Variants in CDK14 observed in about 807,000 individuals in gnomAD.
The protein encoded by CDK14 is cyclin-dependent kinase 14.
Under a neutral mutation model 60.7 loss-of-function variants are expected in CDK14, and 34 were observed. The ratio of observed to expected loss-of-function variants is 0.56; its 90% confidence interval spans 0.43 to 0.75. The LOEUF (loss-of-function observed/expected upper bound fraction) is 0.75. Among genes scored for constraint, CDK14 ranks in the 30% least tolerant of loss-of-function variants. The probability of loss-of-function intolerance (pLI) is 0.00; values close to 1 mark genes in which losing one functional copy is unlikely to be tolerated. For missense variants in CDK14, 482 were observed against 564.1 expected (o/e 0.85, Z 1.47); for synonymous variants, 197 against 203.7 (o/e 0.97, Z 0.28).
chr7:90,642,643 G>C (rs950988529), intron 2 of CDK14, among the ~76,000 whole-genome samples: 4 of 152,188 alleles, frequency 2.6e-5, no homozygotes, highest in African/African-American at 7.2e-5. Flanking sequence ...GCCTCCCAAA[G>C]TGCTGGGATT....
chr7:90,761,861 G>T (rs35597344), intron 4 of CDK14, among the ~76,000 whole-genome samples: 29,038 of 152,146 alleles, frequency 0.19, 2,890 homozygotes, highest in South Asian at 0.24. Flanking sequence ...TCTCTACTGT[G>T]TTCTGTGGGC....
intron 8 of CDK14, among the ~76,000 whole-genome samples, chr7:90,927,165 C>T (rs921034135): frequency 3.9e-5 from 6 of 152,164 alleles, no homozygotes; most frequent in Non-Finnish European, 2.9e-5. Context: ...TGGTGACTAA[C>T]TCATCTTTAG....
intron 5 of CDK14, among the ~76,000 whole-genome samples, chr7:90,820,220 C>T (rs953509795): frequency 6.6e-6 from 1 of 152,038 alleles, no homozygotes; most frequent in Non-Finnish European, 1.5e-5. Context: ...TCTTGAAGTC[C>T]TCTGTCTTCT....
intron 2 of CDK14, among the ~76,000 whole-genome samples, chr7:90,667,137 C>T (rs746198410): frequency 4.6e-5 from 7 of 151,956 alleles, no homozygotes; most frequent in Non-Finnish European, 7.4e-5. Context: ...TAAAGCATAG[C>T]CAAGAAATCA....
chr7:91,028,566 T>C (rs1796670019), intron 10 of CDK14, among the ~76,000 whole-genome samples: 1 of 152,176 alleles, frequency 6.6e-6, no homozygotes, highest in Non-Finnish European at 1.5e-5. Context: ...AGTGTTCCCT[T>C]TTCACCCCAT....
intron 14 of CDK14, among the ~76,000 whole-genome samples, chr7:91,198,614 A>G (rs1259864080): frequency 6.6e-6 from 1 of 152,212 alleles, no homozygotes; most frequent in Non-Finnish European, 1.5e-5. Flanking sequence ...GAAATCTCCC[A>G]TGAACCAACA....
At chr7:91,104,960 A>T (rs1462810743) in intron 12 of CDK14, among the ~76,000 whole-genome samples, 1 of 152,212 alleles carries the variant, frequency 6.6e-6, no homozygotes, top group African/African-American at 2.4e-5. Context: ...AGCATAGATG[A>T]TTTTATAGTA....
At chr7:90,977,174 A>G (rs1217941446) in intron 9 of CDK14, among the ~76,000 whole-genome samples, 3 of 152,116 alleles carry the variant, frequency 2.0e-5, no homozygotes, top group Non-Finnish European at 1.5e-5. Context: ...TCCCAGCAGC[A>G]TTTCTTGAAG....
chr7:90,701,923 G>A (rs1037285916), intron 2 of CDK14, among the ~76,000 whole-genome samples: 4 of 152,110 alleles, frequency 2.6e-5, no homozygotes, highest in African/African-American at 4.8e-5. Context: ...TTCTTTACAG[G>A]TCGAGAGACA....
intron 9 of CDK14, among the ~76,000 whole-genome samples, chr7:90,969,500 A>G (rs1198791318): frequency 1.3e-5 from 2 of 152,188 alleles, no homozygotes; most frequent in African/African-American, 2.4e-5. Context: ...AATTTTTCCT[A>G]ATTTCCTACA....
chr7:91,126,844 T>A (rs1468824352), intron 14 of CDK14, among the ~76,000 whole-genome samples: 1 of 152,200 alleles, frequency 6.6e-6, no homozygotes, highest in Non-Finnish European at 1.5e-5. Context: ...TTTTTTTATT[T>A]TTTTTTCCTT....
chr7:91,135,567 G>T (rs1800255125), intron 14 of CDK14, among the ~76,000 whole-genome samples: 1 of 152,140 alleles, frequency 6.6e-6, no homozygotes, highest in Admixed American at 6.6e-5. Flanking sequence ...TGCAAAGAGG[G>T]TTTAATCCAA....
At chr7:90,816,460 CTTG>C (rs1294971711) in intron 5 of CDK14, among the ~76,000 whole-genome samples, 6 of 152,140 alleles carry the variant, frequency 3.9e-5, no homozygotes, top group Admixed American at 3.3e-4. Context: ...TTTCTTTATA[CTTG>C]TTGTTTGTTA....
intron 5 of CDK14, among the ~76,000 whole-genome samples, chr7:90,827,289 C>A (rs756720072): frequency 1.3e-5 from 2 of 152,058 alleles, no homozygotes; most frequent in Non-Finnish European, 1.5e-5. Flanking sequence ...TATCTCATTT[C>A]TTTTTGTCAT....
intron 14 of CDK14, among the ~76,000 whole-genome samples, chr7:91,129,319 A>G (rs1255067741): frequency 6.6e-6 from 1 of 152,210 alleles, no homozygotes; most frequent in African/African-American, 2.4e-5. Flanking sequence ...TGTCTTCACA[A>G]CCACACAATT....
chr7:90,663,062 C>T (rs944699521), intron 2 of CDK14, among the ~76,000 whole-genome samples: 1 of 151,378 alleles, frequency 6.6e-6, no homozygotes, highest in Non-Finnish European at 1.5e-5. Context: ...GGAATGTCTA[C>T]ACACACTTTG....
chr7:91,133,342 T>C (rs1238214267), intron 14 of CDK14, among the ~76,000 whole-genome samples: 1 of 152,098 alleles, frequency 6.6e-6, no homozygotes, highest in African/African-American at 2.4e-5. Flanking sequence ...CTAACCAAAT[T>C]CCTTAAACCA....
chr7:91,078,171 TAG>T (rs1033845223), intron 11 of CDK14, among the ~76,000 whole-genome samples: 11 of 152,094 alleles, frequency 7.2e-5, no homozygotes, highest in Admixed American at 5.2e-4. Flanking sequence ...CATCTGTAGG[TAG>T]AGAGACATGT....
intron 8 of CDK14, among the ~76,000 whole-genome samples, chr7:90,927,792 A>G (rs752447909): frequency 6.6e-6 from 1 of 152,136 alleles, no homozygotes; most frequent in Non-Finnish European, 1.5e-5. Flanking sequence ...CTCCTGGTTA[A>G]TATCCTGCAG....
Sources: allele counts gnomAD v4.1 joint callset (sites outside exome capture counted in the v4.1 genomes callset), GRCh38; gene constraint gnomAD v4.1.1; transcripts MANE v1.5; gene names NCBI Gene and HGNC (gene_info 2026-07-23, HGNC 2026-07-21).